SLC2A8: variants seen among roughly 807,000 people sequenced by gnomAD.
The protein encoded by SLC2A8 is solute carrier family 2 member 8.
A neutral mutation model predicts 49.2 loss-of-function variants in SLC2A8; 53 were observed. The observed-to-expected ratio is 1.08, with a 90% confidence interval of 0.86 to 1.35. The LOEUF (loss-of-function observed/expected upper bound fraction) is 1.35. Among genes scored for constraint, SLC2A8 ranks in the 40% most tolerant of loss-of-function variants. SLC2A8 has a pLI of 0.00. For missense variants in SLC2A8, 688 were observed against 671.7 expected, an observed-to-expected ratio of 1.02 and a Z score of -0.27; for synonymous variants, 299 against 297.0, an observed-to-expected ratio of 1.01 and a Z score of -0.07.
In SLC2A8 at chr9:127,399,047, A is replaced by C. The variant is rs905082558; in HGVS notation, c.427-860A>C. ...AACTGGGCAGAAACACACCTGTGTTAGGGGCCTAAGCTATGGAATAACCTT... is the reference window on the plus strand; with the variant it reads ...AACTGGGCAGAAACACACCTGTGTTCGGGGCCTAAGCTATGGAATAACCTT... On this transcript the variant is annotated intron_variant, in intron 3 of 9. Coordinates refer to ENST00000373371, the MANE Select transcript of SLC2A8 (RefSeq NM_014580.5). The surrounding 1 kb of genome is among the most constrained non-coding windows in gnomAD (Gnocchi z 4.2). Among the ~76,000 whole-genome samples, 2 of 152,206 alleles carry C rather than the reference A, an allele frequency of 1.3e-5. No homozygotes were observed. Among genetic ancestry groups the C allele is most frequent in the Non-Finnish European group, 2.9e-5 (2 of 68,030 alleles).
In SLC2A8 at chr9:127,403,675, C is replaced by A; in HGVS notation, c.739C>A (p.Leu247Met). 6.2e-7 allele frequency: 1 copy of A among 1,613,050 alleles called. No individual in the cohort carries two copies. Among genetic ancestry groups the A allele is most frequent in the Non-Finnish European group, 8.5e-7 (1 of 1,179,960 alleles). ...IGAEQSFHLA[L>M]LRQPGIYKPF... ...GTCAGAGCAGAGCTTTCACCTGGCCCTGCTGCGGCAGCCCGGCATCTACAA... is the reference window on the plus strand; with the variant it reads ...GTCAGAGCAGAGCTTTCACCTGGCCATGCTGCGGCAGCCCGGCATCTACAA... Residue 247 changes from leucine to methionine, a missense_variant, in exon 6 of 10, where the codon CTG becomes ATG. Transcript: ENST00000373371.
chr9:127,399,856 C>T lies in SLC2A8; in HGVS notation c.427-51C>T. On this transcript the variant is annotated intron_variant, in intron 3 of 9. Coordinates refer to ENST00000373371, the MANE Select transcript of SLC2A8 (RefSeq NM_014580.5). This position sits in a 1 kb window ranked among gnomAD's most constrained non-coding sequence, Gnocchi z 4.2. Reference sequence around the variant, plus strand: ...TCGGCCTCCCAGAGTGCTGGGATTGCAGGCATGAGCCACTGCGCCCAGCCA... The same window carrying T: ...TCGGCCTCCCAGAGTGCTGGGATTGTAGGCATGAGCCACTGCGCCCAGCCA... 2 of 1,514,750 alleles carry T rather than the reference C, an allele frequency of 1.3e-6. No individual in the cohort carries two copies. The highest frequency in any genetic ancestry group is 1.8e-6 in the Non-Finnish European group (2 of 1,093,466). 93.8% of individuals were successfully genotyped at this position (1,514,750 alleles called of 1,614,324 possible).
Position 127,399,583 on chromosome 9 carries a change from T to A in SLC2A8, c.427-324T>A, listed in dbSNP as rs28463013. Among the ~76,000 whole-genome samples, 416 of 132,332 alleles carry A rather than the reference T, an allele frequency of 3.1e-3. 5 individuals are homozygous for A. The highest frequency in any genetic ancestry group is 0.011 in the African/African-American group (392 of 34,324). The allele number at this position is 132,332 out of a possible 152,430, so 86.8% of individuals were successfully genotyped here. A position where few individuals can be genotyped will look rare whatever the true frequency, so the allele number is the denominator to read the frequency against. Reference sequence around the variant, plus strand: ...AGCCTCATCTTTTTTTTTTTTTTTTTAATTTTTATTTAAAAATTTCGGAGT... The same window carrying A: ...AGCCTCATCTTTTTTTTTTTTTTTTAAATTTTTATTTAAAAATTTCGGAGT... On this transcript the variant is annotated intron_variant, in intron 3 of 9. Coordinates refer to ENST00000373371, the MANE Select transcript of SLC2A8 (RefSeq NM_014580.5). This position sits in a 1 kb window ranked among gnomAD's most constrained non-coding sequence, Gnocchi z 4.2.
chr9:127,405,549 A>G lies in SLC2A8; in HGVS notation c.1280A>G (p.Glu427Gly). ...NWLMAFLVTK[E>G]FSSLMEVLRP... ...CTCATGGCCTTTCTCGTGACCAAGG[A>G]GTTCAGCAGCCTCATGGTGAGGGCA... is the stretch of plus-strand genomic sequence containing the variant. Residue 427 changes from glutamate (E) to glycine (G), a missense_variant, in exon 9 of 10, where the codon GAG becomes GGG. Transcript: ENST00000373371. 6.2e-7 allele frequency: 1 copy of G among 1,613,172 alleles called. No homozygotes were observed. Among genetic ancestry groups the G allele is most frequent in the Non-Finnish European group, 8.5e-7 (1 of 1,179,976 alleles).
chr9:127,400,109 C>A, intron 4 of SLC2A8, 103 bp downstream of exon 4: 2 of 895,234 alleles, frequency 2.2e-6, no homozygotes, highest in South Asian at 1.5e-5. Context: ...TCTGAGGTCA[C>A]ATAGCCAGTG....
chr9:127,397,498 C>G lies in SLC2A8; in HGVS notation c.179C>G (p.Pro60Arg), dbSNP rs1159617975. Residue 60 changes from proline to arginine, a missense_variant, in exon 2 of 10, where the codon CCG (proline) becomes CGG (arginine). Transcript: ENST00000373371. ...AIPSLQRAAP[P>R]APRLDDAAAS... ...CCTAGCCTGCAGCGCGCCGCGCCCC[C>G]GGCCCCGCGCCTGGACGACGCCGCC... is the stretch of plus-strand genomic sequence containing the variant. 4 of 1,450,566 alleles carry G rather than the reference C, an allele frequency of 2.8e-6. No homozygotes were observed. The highest frequency in any genetic ancestry group is 1.5e-5 in the African/African-American group (1 of 66,872). The allele number at this position is 1,450,566 out of a possible 1,614,324, so 89.9% of individuals were successfully genotyped here. A position where few individuals can be genotyped will look rare whatever the true frequency, so the allele number is the denominator to read the frequency against.
intron 3 of SLC2A8, 46 bp downstream of exon 3, chr9:127,398,157 G>A (rs1354107499): frequency 1.3e-6 from 2 of 1,541,570 alleles, no homozygotes; most frequent in Non-Finnish European, 1.8e-6. Context: ...GCCTGAGACC[G>A]AGGGGGAGTG....
intron 6 of SLC2A8, 60 bp downstream of exon 6, chr9:127,403,863 C>T: frequency 6.2e-7 from 1 of 1,602,380 alleles, no homozygotes; most frequent in Non-Finnish European, 8.5e-7. Flanking sequence ...GCTTCCTCCC[C>T]AAGCCCAGGG....
At position 127,403,939 on chromosome 9, in the gene SLC2A8, C is replaced by T; in HGVS notation, c.868-20C>T. On this transcript the variant is annotated intron_variant, in intron 6 of 9. Coordinates refer to ENST00000373371, the MANE Select transcript of SLC2A8 (RefSeq NM_014580.5). Reference sequence around the variant, plus strand: ...CTCTCAGCTGGCCCACCTGACCTGCCTGGGCTCTGTCTCCCCCAGGACAGC... The same window carrying T: ...CTCTCAGCTGGCCCACCTGACCTGCTTGGGCTCTGTCTCCCCCAGGACAGC... 3.7e-6 allele frequency: 6 copies of T among 1,609,490 alleles called. No individual in the cohort carries two copies. The highest frequency in any genetic ancestry group is 5.1e-6 in the Non-Finnish European group (6 of 1,177,328).
Position 127,404,148 on chromosome 9 carries a change from A to C in SLC2A8, c.976+81A>C, listed in dbSNP as rs1160523171. ...GGCCACCACACTGCAGGAGGAGGAC[A>C]GGGAGCATTTGTGATGACAAACATC... On this transcript the variant is annotated intron_variant, in intron 7 of 9. Transcript: ENST00000373371. 2.3e-5 allele frequency: 22 copies of C among 961,726 alleles called. No individual in the cohort carries two copies. In the South Asian group the frequency reaches 3.2e-4, roughly 14 times the overall value. The allele number at this position is 961,726 out of a possible 1,614,324, so 59.6% of individuals were successfully genotyped here.
chr9:127,398,265 G>T lies in SLC2A8; in HGVS notation c.426+154G>T, dbSNP rs200390854. The T allele has an allele frequency of 1.1e-4, 95 of 831,188 alleles. No individual in the cohort carries two copies. In the East Asian group the frequency reaches 2.2e-3, roughly 19 times the overall value. The allele number at this position is 831,188 out of a possible 1,614,324, so 51.5% of individuals were successfully genotyped here. A position where few individuals can be genotyped will look rare whatever the true frequency, so the allele number is the denominator to read the frequency against. On this transcript the variant is annotated intron_variant, in intron 3 of 9. Transcript: ENST00000373371. The stretch of plus-strand genomic sequence containing the variant: ...CCTGCGTTATCTCGCGGTCCCTCCC[G>T]TCGACCCTGGGAAGGATCCTACTGT...
At position 127,404,909 on chromosome 9, in the gene SLC2A8, G is replaced by A. The variant is rs774138777; in HGVS notation, c.1068G>A (p.Ser356=). The A allele has an allele frequency of 2.5e-5, 41 of 1,612,490 alleles. No homozygotes were observed. Among genetic ancestry groups the A allele is most frequent in the South Asian group, 2.3e-4 (21 of 91,084 alleles). The part of the protein sequence containing the change: ...GPGNSSHVAI[S]APVSAQPVDA... ...GCAACTCCTCGCACGTGGCCATCTCGGCGCCTGTCTCTGCACAGCCTGTTG... is the reference window on the plus strand; with the variant it reads ...GCAACTCCTCGCACGTGGCCATCTCAGCGCCTGTCTCTGCACAGCCTGTTG... The change falls in exon 8 of 10, where the codon TCG becomes TCA. Residue 356 remains serine, a synonymous_variant. Coordinates refer to ENST00000373371, the MANE Select transcript of SLC2A8 (RefSeq NM_014580.5).
rs1408075624 is a variant in SLC2A8 at position 127,397,206 on chromosome 9, T to G, written c.-25T>G. The G allele has an allele frequency of 9.6e-6, 14 of 1,454,346 alleles. No individual in the cohort carries two copies. Among genetic ancestry groups the G allele is most frequent in the Middle Eastern group, 2.1e-4 (1 of 4,862 alleles). The allele number at this position is 1,454,346 out of a possible 1,614,324, so 90.1% of individuals were successfully genotyped here. ...CCCGTGGCGGTTCAGGCGCCAGAGC[T>G]GGCCGATCGGCGTTGGCCGCCGACA... On this transcript the variant is annotated 5_prime_UTR_variant, in exon 1 of 10. Transcript: ENST00000373371.
At chr9:127,406,014 A>G (rs753845933) in intron 9 of SLC2A8, 9 of 520,824 alleles carry the variant, frequency 1.7e-5, no homozygotes, top group Non-Finnish European at 2.3e-5. Context: ...GGATGGGAGC[A>G]TTAATTCAGT....
Position 127,397,949 on chromosome 9 carries a change from C to T in SLC2A8, c.264C>T (p.Gly88=). The T allele has an allele frequency of 6.5e-7, 1 of 1,534,026 alleles. No individual in the cohort carries two copies. Among genetic ancestry groups the T allele is most frequent in the Non-Finnish European group, 8.7e-7 (1 of 1,146,436 alleles). ...LGAAAGGVLG[G]WLVDRAGRKL... is the part of the protein sequence containing the mutation. ...CCGCGGCGGGGGGAGTGCTGGGCGG[C>T]TGGCTGGTGGACCGCGCCGGGCGCA... Residue 88 remains glycine (G), a synonymous_variant, in exon 3 of 10, where the codon GGC becomes GGT. Transcript: ENST00000373371.
Position 127,397,462 on chromosome 9 carries a change from C to T in SLC2A8, c.143C>T (p.Ser48Phe). The T allele has an allele frequency of 1.3e-6, 2 of 1,487,268 alleles. No individual in the cohort carries two copies. The highest frequency in any genetic ancestry group is 1.8e-6 in the Non-Finnish European group (2 of 1,127,116). 92.1% of individuals were successfully genotyped at this position (1,487,268 alleles called of 1,614,324 possible). ...LSFGFALGYS[S>F]PAIPSLQRAA... ...TTCGGCTTCGCGCTCGGCTACAGCTCCCCGGCCATCCCTAGCCTGCAGCGC... is the reference window on the plus strand; with the variant it reads ...TTCGGCTTCGCGCTCGGCTACAGCTTCCCGGCCATCCCTAGCCTGCAGCGC... The change falls in exon 2 of 10, where the codon TCC (serine) becomes TTC (phenylalanine). Residue 48 changes from serine to phenylalanine, a missense_variant. Ser to Phe is a radical substitution (Grantham distance 155). Transcript: ENST00000373371.
chr9:127,404,097 G>C, intron 7 of SLC2A8, 30 bp downstream of exon 7: 1 of 1,502,124 alleles, frequency 6.7e-7, no homozygotes, highest in Non-Finnish European at 9.2e-7. Flanking sequence ...CAGCCTCCCC[G>C]CCATGCGGGG....
intron 4 of SLC2A8, among the ~76,000 whole-genome samples, chr9:127,400,213 T>G (rs1833228697): frequency 6.8e-6 from 1 of 147,950 alleles, no homozygotes; most frequent in Non-Finnish European, 1.5e-5. Context: ...TCGCCCAGGC[T>G]GGAGTGCAGT....
At chr9:127,406,470 C>A (rs1253328372) in intron 9 of SLC2A8, among the ~76,000 whole-genome samples, 4 of 152,120 alleles carry the variant, frequency 2.6e-5, no homozygotes, top group African/African-American at 7.2e-5. Flanking sequence ...GAAAAGAAGC[C>A]AAGAAGGAGG....
Sources: allele counts gnomAD v4.1 joint callset (sites outside exome capture counted in the v4.1 genomes callset), GRCh38; gene constraint gnomAD v4.1.1; non-coding constraint Gnocchi (gnomAD v3.1); transcripts MANE v1.5; gene names NCBI Gene and HGNC (gene_info 2026-07-23, HGNC 2026-07-21).